Variants in AFF2 observed in about 807,000 individuals in gnomAD.
AFF2 encodes ALF transcription elongation factor 2.
AFF2 carries 14 observed loss-of-function variants against 76.9 expected under a neutral mutation model. The observed-to-expected ratio is 0.18, with a 90% CI of 0.12 to 0.28. AFF2 has a LOEUF of 0.28. Among genes scored for constraint, AFF2 ranks in the 10% least tolerant of loss-of-function variants. The pLI is 1.00. For missense variants in AFF2, 868 were observed against 1,001.1 expected (o/e 0.87, Z 1.79); for synonymous variants, 398 against 366.7 (o/e 1.09, Z -0.98).
At chrX:148,696,199 C>A (rs1376842907) in intron 3 of AFF2, among the ~76,000 whole-genome samples, 1 of 108,226 alleles carries the variant, frequency 9.2e-6, no homozygotes, top group Non-Finnish European at 1.9e-5. Flanking sequence ...GGGCCTAGGG[C>A]TTATAAATAT....
intron 1 of AFF2, among the ~76,000 whole-genome samples, chrX:148,556,743 A>G (rs974670620): frequency 8.9e-6 from 1 of 112,163 alleles, no homozygotes; most frequent in African/African-American, 3.2e-5. Context: ...TTTAACTGCC[A>G]TGTCTGTCCA....
chrX:148,556,038 G>T (rs1159398705), intron 1 of AFF2, among the ~76,000 whole-genome samples: 2 of 112,033 alleles, frequency 1.8e-5, no homozygotes, highest in Non-Finnish European at 3.8e-5. Context: ...TGTGTGTGTA[G>T]GAGGCTACAT....
At chrX:148,586,610 C>A (rs940766062) in intron 1 of AFF2, among the ~76,000 whole-genome samples, 1 of 111,938 alleles carries the variant, frequency 8.9e-6, no homozygotes, top group Non-Finnish European at 1.9e-5. Flanking sequence ...ATATTTGAGA[C>A]AAAGAATTCT....
At chrX:148,943,204 GATGATCGTGTTTACAATACAATT>G (rs1300811276) in intron 9 of AFF2, among the ~76,000 whole-genome samples, 6 of 112,169 alleles carry the variant, frequency 5.3e-5, no homozygotes, top group African/African-American at 1.9e-4. Context: ...TTAGATTTCT[GATGATCGTGTTTACAATACAATT>G]ATGAAGTAAG....
At chrX:148,897,255 ATATATATATATATATATG>A (rs1265764721) in intron 8 of AFF2, among the ~76,000 whole-genome samples, 499 of 40,972 alleles carry the variant, frequency 0.012, 31 homozygotes, top group South Asian at 0.022. Context: ...ATATATATAT[ATATATATATATATATATG>A]TATATGAAAA....
intron 3 of AFF2, among the ~76,000 whole-genome samples, chrX:148,797,237 C>T (rs1354717720): frequency 8.9e-6 from 1 of 111,894 alleles, no homozygotes; most frequent in Non-Finnish European, 1.9e-5. Flanking sequence ...TTAACAGACA[C>T]GAGTCACCTT....
intron 3 of AFF2, among the ~76,000 whole-genome samples, chrX:148,738,049 T>C (rs1435434956): frequency 9.0e-6 from 1 of 111,577 alleles, no homozygotes; most frequent in Non-Finnish European, 1.9e-5. Context: ...TTAGCATCTA[T>C]ATTCATCAAG....
intron 1 of AFF2, among the ~76,000 whole-genome samples, chrX:148,588,301 A>G (rs1448499817): frequency 8.9e-6 from 1 of 112,960 alleles, no homozygotes; most frequent in Non-Finnish European, 1.9e-5. Flanking sequence ...GAGTAGTGCC[A>G]TCGCTTTAAG....
intron 3 of AFF2, 45 bp from the exon 4 acceptor site, chrX:148,809,831 G>A (rs1713900746): frequency 8.6e-7 from 1 of 1,161,354 alleles, no homozygotes; most frequent in African/African-American, 1.8e-5. Context: ...TATACAAGAA[G>A]AAGAAGTAGA....
chrX:148,529,883 G>T (rs868976073), intron 1 of AFF2, among the ~76,000 whole-genome samples: 2 of 111,995 alleles, frequency 1.8e-5, no homozygotes, highest in Non-Finnish European at 3.8e-5. Flanking sequence ...GGCTCTCTTG[G>T]AATGGCTAAA....
intron 4 of AFF2, among the ~76,000 whole-genome samples, chrX:148,826,151 A>C (rs1557272937): frequency 9.8e-6 from 1 of 102,391 alleles, no homozygotes; most frequent in Non-Finnish European, 2.0e-5. Flanking sequence ...TTTAGGCCAA[A>C]AAAAAGGTAG....
chrX:148,683,707 G>T (rs1380154262), intron 3 of AFF2, among the ~76,000 whole-genome samples: 1 of 111,594 alleles, frequency 9.0e-6, no homozygotes, highest in African/African-American at 3.3e-5. Context: ...TCCAAGCCTG[G>T]TGATTTTTCA....
chrX:148,555,913 A>G (rs1165609664), intron 1 of AFF2, among the ~76,000 whole-genome samples: 2 of 112,466 alleles, frequency 1.8e-5, no homozygotes, highest in African/African-American at 6.5e-5. Context: ...CTTCTGTTCT[A>G]AAGAGACACG....
At chrX:148,701,937 G>T (rs879981996) in intron 3 of AFF2, among the ~76,000 whole-genome samples, 1 of 112,076 alleles carries the variant, frequency 8.9e-6, no homozygotes, top group Non-Finnish European at 1.9e-5. Flanking sequence ...TCTGAACATT[G>T]AAGCATTTTG....
intron 4 of AFF2, among the ~76,000 whole-genome samples, chrX:148,811,761 G>T (rs782140400): frequency 8.9e-5 from 10 of 111,812 alleles, no homozygotes; most frequent in Non-Finnish European, 1.7e-4. Context: ...AGGAAGGAGG[G>T]TGAACACCTG....
chrX:148,632,636 A>T (rs2053991508), intron 1 of AFF2, among the ~76,000 whole-genome samples: 1 of 112,021 alleles, frequency 8.9e-6, no homozygotes, highest in Non-Finnish European at 1.9e-5. Flanking sequence ...ACCTTCTACT[A>T]GGTTGGATGA....
intron 9 of AFF2, among the ~76,000 whole-genome samples, chrX:148,913,122 G>T (rs782329089): frequency 8.9e-6 from 1 of 112,475 alleles, no homozygotes; most frequent in South Asian, 3.7e-4. Context: ...TTGCACAAAT[G>T]TCTGAACACC....
At chrX:148,865,510 T>G (rs961598160) in intron 7 of AFF2, among the ~76,000 whole-genome samples, 11 of 112,068 alleles carry the variant, frequency 9.8e-5, no homozygotes, top group Non-Finnish European at 2.1e-4. Flanking sequence ...CACCCTCATT[T>G]GCATCACCAA....
chrX:148,574,877 G>A (rs184078776), intron 1 of AFF2, among the ~76,000 whole-genome samples: 8 of 110,476 alleles, frequency 7.2e-5, no homozygotes, highest in Non-Finnish European at 1.9e-5. Context: ...AAGTCTGTAA[G>A]TATAGTATCA....
Sources: allele counts gnomAD v4.1 joint callset (sites outside exome capture counted in the v4.1 genomes callset), GRCh38; gene constraint gnomAD v4.1.1; transcripts MANE v1.5; gene names NCBI Gene and HGNC (gene_info 2026-07-23, HGNC 2026-07-21).